MYORG: variants seen among roughly 807,000 people sequenced by gnomAD.
The protein encoded by MYORG is myogenesis regulating glycosidase.
MYORG carries 45 observed loss-of-function variants against 49.8 expected under a neutral mutation model. The ratio of observed to expected loss-of-function variants is 0.90; its 90% CI spans 0.71 to 1.16. MYORG has a LOEUF of 1.16. Among genes scored for constraint, MYORG ranks in the 50% most tolerant of loss-of-function variants. The pLI is 0.00. For missense variants in MYORG, 1,110 were observed against 1,026.5 expected, an observed-to-expected ratio of 1.08 and a Z score of -1.11; for synonymous variants, 552 against 462.9, an observed-to-expected ratio of 1.19 and a Z score of -2.47.
Position 34,372,476 on chromosome 9 carries a change from G to A in MYORG, c.468C>T (p.Val156=), listed in dbSNP as rs1244416075. 6 of 1,596,342 alleles carry A rather than the reference G, an allele frequency of 3.8e-6. No homozygotes were observed. In the African/African-American group the frequency reaches 6.7e-5, roughly 18 times the overall value. The change falls in exon 2 of 2, where the codon GTC becomes GTT. Residue 156 remains valine, a synonymous_variant. Coordinates refer to ENST00000297625, the MANE Select transcript of MYORG (RefSeq NM_020702.5). ...CCTCCCAGCGCACGCGGTAGCACAT[G>A]ACCGTGTCCTTGGGCCGCACAGTCT... ...FIQTVRPKDT[V]MCYRVRWEEA...
At position 34,371,074 on chromosome 9, in the gene MYORG, C is replaced by T. The variant is rs376906219; in HGVS notation, c.1870G>A (p.Gly624Ser). The T allele has an allele frequency of 1.1e-4, 183 of 1,611,004 alleles. 1 individual carries two copies. Among genetic ancestry groups the T allele is most frequent in the Non-Finnish European group, 1.3e-4 (152 of 1,178,512 alleles). Residue 624 changes from glycine to serine, a missense_variant, in exon 2 of 2, where the codon GGC becomes AGC. Transcript: ENST00000297625. ...LVAPLLLELA[G>S]EVTDTGDPIV... ...GGGTCACCCGTGTCGGTGACCTCGC[C>T]CGCCAGCTCAAGCAACAGCGGTGCC...
In MYORG at chr9:34,370,518, C is replaced by A; in HGVS notation, c.*281G>T. On this transcript the variant is annotated 3_prime_UTR_variant, in exon 2 of 2. Transcript: ENST00000297625. ...AGAGAGCTGACCTTTTTCCTCTAAG[C>A]TCTCTGGCTTCCACCCCAGGGAAGA... 1 of 401,342 alleles carries A rather than the reference C, an allele frequency of 2.5e-6. No homozygotes were observed. The allele number at this position is 401,342 out of a possible 1,614,324, so 24.9% of individuals were successfully genotyped here.
Position 34,370,822 on chromosome 9 carries a change from CGATCTCATCCA to C in MYORG, c.2111_2121del (p.Leu704ArgfsTer15). 1 of 1,584,904 alleles carries C rather than the reference CGATCTCATCCA, an allele frequency of 6.3e-7. No individual in the cohort carries two copies. The highest frequency in any genetic ancestry group is 8.6e-7 in the Non-Finnish European group (1 of 1,159,620). ...GGTCAGGACGCCCAGGTAAAGTAGG[CGATCTCATCCA>C]GGTCGACCGGGTAATCGGTGAGCAG... is the stretch of plus-strand genomic sequence containing the variant. On this transcript the variant is annotated frameshift_variant, in exon 2 of 2. Transcript: ENST00000297625. LOFTEE classifies it high-confidence loss of function.
In MYORG at chr9:34,371,969, C is replaced by T. The variant is rs772015981; in HGVS notation, c.975G>A (p.Gly325=). The change falls in exon 2 of 2, where the codon GGG becomes GGA. Residue 325 remains glycine (G), a synonymous_variant. Transcript: ENST00000297625. ...DPIWSTWALY[G]RAVDQDKVLR... is the part of the protein sequence containing the mutation. ...GCACCTTGTCCTGGTCCACGGCGCG[C>T]CCGTACAGCGCCCATGTGGACCAAA... 3 of 1,614,032 alleles carry T rather than the reference C, an allele frequency of 1.9e-6. No individual in the cohort carries two copies. Among genetic ancestry groups the T allele is most frequent in the South Asian group, 1.1e-5 (1 of 91,090 alleles).
At chr9:34,374,178 C>T (rs1460567102) in intron 1 of MYORG, among the ~76,000 whole-genome samples, 1 of 152,172 alleles carries the variant, frequency 6.6e-6, no homozygotes, top group Non-Finnish European at 1.5e-5. Context: ...GTCACTTCTC[C>T]CCTGTATTAC....
At position 34,367,971 on chromosome 9, in the gene MYORG, T is replaced by A. The variant is rs574115067; in HGVS notation, c.*2828A>T. 5.9e-5 allele frequency: 9 copies of A among 152,356 alleles called. No homozygotes were observed. Among genetic ancestry groups the A allele is most frequent in the Admixed American group, 3.3e-4 (5 of 15,306 alleles). 9.4% of individuals were successfully genotyped at this position (152,356 alleles called of 1,614,324 possible). ...AACTTCTGCCTGGACATACATGCAT[T>A]TCCATACATTCTCTGAAATCTAGGC... On this transcript the variant is annotated 3_prime_UTR_variant, in exon 2 of 2. Coordinates refer to ENST00000297625, the MANE Select transcript of MYORG (RefSeq NM_020702.5).
In MYORG at chr9:34,368,107, A is replaced by G. The variant is rs1820528438; in HGVS notation, c.*2692T>C. 2 of 152,276 alleles carry G rather than the reference A, an allele frequency of 1.3e-5. No homozygotes were observed. Among genetic ancestry groups the G allele is most frequent in the South Asian group, 4.1e-4 (2 of 4,836 alleles). The allele number at this position is 152,276 out of a possible 1,614,324, so 9.4% of individuals were successfully genotyped here. A position where few individuals can be genotyped will look rare whatever the true frequency, so the allele number is the denominator to read the frequency against. On this transcript the variant is annotated 3_prime_UTR_variant, in exon 2 of 2. Coordinates refer to ENST00000297625, the MANE Select transcript of MYORG (RefSeq NM_020702.5). ...CCTCTGAAGCCAAGGCCTGAGCTGT[A>G]TCTTGGCCCCTTTTAGCCATGACTA...
At position 34,372,233 on chromosome 9, in the gene MYORG, G is replaced by C. The variant is rs763367531; in HGVS notation, c.711C>G (p.Ile237Met). The C allele has an allele frequency of 1.9e-6, 3 of 1,611,116 alleles. No individual in the cohort carries two copies. Among genetic ancestry groups the C allele is most frequent in the East Asian group, 4.5e-5 (2 of 44,792 alleles). Residue 237 changes from isoleucine (I) to methionine (M), a missense_variant, in exon 2 of 2, where the codon ATC becomes ATG. Coordinates refer to ENST00000297625, the MANE Select transcript of MYORG (RefSeq NM_020702.5). ...GGAAGGGCACTGAGTCATTGACTTT[G>C]ATGGCGGCCGCGCGCGAAGATAGCC... ...RYWLSSRAAA[I>M]KVNDSVPFHL...
In MYORG at chr9:34,371,342, G is replaced by T. The variant is rs1272698084; in HGVS notation, c.1602C>A (p.Leu534=). Reference sequence around the variant, plus strand: ...TGCTGACGGTGAGCACCGCGGGGATGAGTGAGCGCAACCCCAGGTCGTAGC... The same window carrying T: ...TGCTGACGGTGAGCACCGCGGGGATTAGTGAGCGCAACCCCAGGTCGTAGC... The part of the protein sequence containing the change: ...VWGYDLGLRS[L]IPAVLTVSML... The change falls in exon 2 of 2, where the codon CTC becomes CTA. Residue 534 remains leucine (L), a synonymous_variant. Transcript: ENST00000297625. 1.2e-6 allele frequency: 2 copies of T among 1,612,796 alleles called. No individual in the cohort carries two copies. The highest frequency in any genetic ancestry group is 1.7e-6 in the Non-Finnish European group (2 of 1,179,638).
At chr9:34,373,188 G>A (rs1820668926) in intron 1 of MYORG, among the ~76,000 whole-genome samples, 182 bp from the exon 2 acceptor site, 1 of 152,174 alleles carries the variant, frequency 6.6e-6, no homozygotes, top group African/African-American at 2.4e-5. Flanking sequence ...CTTTCTCATG[G>A]GACCTAATGC....
In MYORG at chr9:34,372,967, G is replaced by T. The variant is rs959427122; in HGVS notation, c.-24C>A. The T allele has an allele frequency of 6.2e-7, 1 of 1,603,376 alleles. No individual in the cohort carries two copies. ...ATTAGTGGGCTGCTAAGAAAGGAGC[G>T]GGCCGTGGGGCCATCTGACTGAGTT... is the stretch of plus-strand genomic sequence containing the variant. On this transcript the variant is annotated 5_prime_UTR_variant, in exon 2 of 2. Coordinates refer to ENST00000297625, the MANE Select transcript of MYORG (RefSeq NM_020702.5).
Position 34,372,030 on chromosome 9 carries a change from G to C in MYORG, c.914C>G (p.Ser305Ter). ...GAAGGCCTCGGGTGCTGGCACCCTT[G>C]ACGGCTTGTTGAAGTAGCGACGCAC... is the stretch of plus-strand genomic sequence containing the variant. ...YMVRRYFNKP[S>*]RVPAPEAFRD... Residue 305 changes from serine (S) to a stop codon, truncating the protein, a stop_gained, in exon 2 of 2, where the codon TCA (serine) becomes TGA (stop). Transcript: ENST00000297625. LOFTEE classifies it high-confidence loss of function. The C allele has an allele frequency of 6.2e-7, 1 of 1,614,000 alleles. No individual in the cohort carries two copies. Among genetic ancestry groups the C allele is most frequent in the Non-Finnish European group, 8.5e-7 (1 of 1,179,884 alleles).
Position 34,370,782 on chromosome 9 carries a change from C to T in MYORG, c.*17G>A, listed in dbSNP as rs1204799435. The T allele has an allele frequency of 6.4e-7, 1 of 1,551,950 alleles. No homozygotes were observed. The highest frequency in any genetic ancestry group is 1.4e-5 in the African/African-American group (1 of 73,624). On this transcript the variant is annotated 3_prime_UTR_variant, in exon 2 of 2. Coordinates refer to ENST00000297625, the MANE Select transcript of MYORG (RefSeq NM_020702.5). ...ATGAAGACTGGGGGCTTTGCGGTTA[C>T]CGGGCCCTGGGCTGGGTCAGGACGC...
In MYORG at chr9:34,371,771, C is replaced by T; in HGVS notation, c.1173G>A (p.Val391=). The T allele has an allele frequency of 1.2e-6, 2 of 1,613,842 alleles. No homozygotes were observed. Among genetic ancestry groups the T allele is most frequent in the Non-Finnish European group, 1.7e-6 (2 of 1,179,796 alleles). ...ACGAGTTGTAGTTGACAAAAGGGTG[C>T]ACCCAGAGCGTGACGCGGAAGCCGG... is the stretch of plus-strand genomic sequence containing the variant. ...RDAGFRVTLW[V]HPFVNYNSSR... is the part of the protein sequence containing the mutation. Residue 391 remains valine, a synonymous_variant, in exon 2 of 2, where the codon GTG becomes GTA. Coordinates refer to ENST00000297625, the MANE Select transcript of MYORG (RefSeq NM_020702.5).
chr9:34,372,865 G>A lies in MYORG; in HGVS notation c.79C>T (p.Pro27Ser), dbSNP rs773937627. The A allele has an allele frequency of 6.2e-7, 1 of 1,613,984 alleles. No homozygotes were observed. Among genetic ancestry groups the A allele is most frequent in the Non-Finnish European group, 8.5e-7 (1 of 1,179,884 alleles). Reference protein sequence around the residue: ...RPGCYAYRQNPEAIAAAAMYT... With the variant: ...RPGCYAYRQNSEAIAAAAMYT... ...ATAGCTGCGGCTGCGATGGCCTCGG[G>A]GTTCTGACGGTATGCGTAGCAGCCA... is the stretch of plus-strand genomic sequence containing the variant. Residue 27 changes from proline to serine, a missense_variant, in exon 2 of 2, where the codon CCC becomes TCC. Pro to Ser is a moderately conservative substitution (Grantham distance 74). Transcript: ENST00000297625.
At position 34,370,175 on chromosome 9, in the gene MYORG, G is replaced by A. The variant is rs1820566082; in HGVS notation, c.*624C>T. The stretch of plus-strand genomic sequence containing the variant: ...AGTGTTAGGAGTCTCTTCACAAATT[G>A]GGAACATGATGATGGCTCTGTGCTA... On this transcript the variant is annotated 3_prime_UTR_variant, in exon 2 of 2. Transcript: ENST00000297625. The A allele has an allele frequency of 6.5e-6, 1 of 152,694 alleles. No homozygotes were observed. Among genetic ancestry groups the A allele is most frequent in the African/African-American group, 2.4e-5 (1 of 41,434 alleles). 9.5% of individuals were successfully genotyped at this position (152,694 alleles called of 1,614,324 possible).
Position 34,368,100 on chromosome 9 carries a change from G to A in MYORG, c.*2699C>T, listed in dbSNP as rs777199303. On this transcript the variant is annotated 3_prime_UTR_variant, in exon 2 of 2. Transcript: ENST00000297625. ...CTTGCACCCTCTGAAGCCAAGGCCT[G>A]AGCTGTATCTTGGCCCCTTTTAGCC... 2 of 152,284 alleles carry A rather than the reference G, an allele frequency of 1.3e-5. No individual in the cohort carries two copies. The highest frequency in any genetic ancestry group is 2.9e-5 in the Non-Finnish European group (2 of 68,072). The allele number at this position is 152,284 out of a possible 1,614,324, so 9.4% of individuals were successfully genotyped here.
chr9:34,375,055 C>T (rs551995732), intron 1 of MYORG, among the ~76,000 whole-genome samples: 3 of 152,266 alleles, frequency 2.0e-5, no homozygotes, highest in East Asian at 1.9e-4. Context: ...GGTGCACACA[C>T]GGGCATACAC....
intron 1 of MYORG, among the ~76,000 whole-genome samples, chr9:34,375,688 C>T (rs369401186): frequency 6.6e-6 from 1 of 152,250 alleles, no homozygotes; most frequent in African/African-American, 2.4e-5. Context: ...CAGCCTATCT[C>T]ATGAGCCCTG....
Sources: allele counts gnomAD v4.1 joint callset (sites outside exome capture counted in the v4.1 genomes callset), GRCh38; gene constraint gnomAD v4.1.1; transcripts MANE v1.5; gene names NCBI Gene and HGNC (gene_info 2026-07-23, HGNC 2026-07-21).